MELK: variants seen among roughly 807,000 people sequenced by gnomAD.
MELK encodes the protein maternal embryonic leucine zipper kinase.
A neutral mutation model predicts 85.0 loss-of-function variants in MELK; 81 were observed. That is an observed-to-expected ratio of 0.95 (90% confidence interval 0.80 to 1.15). The LOEUF (loss-of-function observed/expected upper bound fraction) is 1.15. Ranked by LOEUF, MELK falls within the 50% of genes most tolerant of loss-of-function variation. The pLI, the probability that MELK is intolerant of heterozygous loss-of-function variation, is 0.00. For synonymous variants in MELK, 252 were observed against 265.0 expected (o/e 0.95, Z 0.48); for missense variants, 754 against 777.5 (o/e 0.97, Z 0.36).
chr9:36,637,094 A>G (rs1201353144), intron 10 of MELK, among the ~76,000 whole-genome samples: 1 of 151,126 alleles, frequency 6.6e-6, no homozygotes, highest in East Asian at 1.9e-4. Context: ...GGCCTCCCAA[A>G]GTGCTGGGAT....
At chr9:36,640,884 A>G (rs148159418) in intron 10 of MELK, among the ~76,000 whole-genome samples, 1 of 152,226 alleles carries the variant, frequency 6.6e-6, no homozygotes, top group Non-Finnish European at 1.5e-5. Context: ...AATTGAGGGG[A>G]AAAATTTGTC....
chr9:36,638,466 G>A (rs1201629162), intron 10 of MELK, among the ~76,000 whole-genome samples: 2 of 151,984 alleles, frequency 1.3e-5, no homozygotes, highest in Non-Finnish European at 2.9e-5. Context: ...TGTATTTTTA[G>A]TAGAGACGGG....
At position 36,596,273 on chromosome 9, in the gene MELK, A is replaced by T. The variant is rs374681903; in HGVS notation, c.406-949A>T. Among the ~76,000 whole-genome samples the T allele has an allele frequency of 3.3e-5, 5 of 152,072 alleles. No homozygotes were observed. The South Asian group carries it at 6.2e-4, about 19-fold the overall frequency. ...AAAATGGTTTATGCTAGTGAGTCTT[A>T]TGGGGAAGTGATAGAGTGATCGCCC... On this transcript the variant is annotated intron_variant, in intron 5 of 17. Coordinates refer to ENST00000298048, the MANE Select transcript of MELK (RefSeq NM_014791.4).
chr9:36,583,878 A>G (rs1046036357), intron 3 of MELK, among the ~76,000 whole-genome samples, 166 bp downstream of exon 3: 1 of 152,220 alleles, frequency 6.6e-6, no homozygotes, highest in Non-Finnish European at 1.5e-5. Context: ...GGAAGGGATT[A>G]CTTTGTTCTT....
chr9:36,672,367 A>C (rs1349766992), intron 16 of MELK, among the ~76,000 whole-genome samples: 1 of 152,228 alleles, frequency 6.6e-6, no homozygotes, highest in East Asian at 1.9e-4. Context: ...AAAAATGTTA[A>C]ATAAAATTAA....
intron 14 of MELK, among the ~76,000 whole-genome samples, chr9:36,669,039 T>A (rs1226391755): frequency 1.3e-5 from 2 of 152,242 alleles, no homozygotes; most frequent in Non-Finnish European, 2.9e-5. Context: ...ATTTATCATA[T>A]GATGTTTATA....
chr9:36,634,010 C>T (rs770127856), intron 10 of MELK, among the ~76,000 whole-genome samples: 6 of 152,204 alleles, frequency 3.9e-5, no homozygotes, highest in Non-Finnish European at 7.3e-5. Context: ...AAATTTTGTA[C>T]TGTATTCCAT....
At chr9:36,618,743 A>G (rs1432719042) in intron 8 of MELK, among the ~76,000 whole-genome samples, 1 of 152,166 alleles carries the variant, frequency 6.6e-6, no homozygotes, top group Non-Finnish European at 1.5e-5. Flanking sequence ...CTGTAAATCC[A>G]TGTAACTGTG....
chr9:36,602,621 A>T (rs1825052411), intron 7 of MELK, among the ~76,000 whole-genome samples: 1 of 137,796 alleles, frequency 7.3e-6, no homozygotes, highest in Admixed American at 7.6e-5. Flanking sequence ...GTGCAATGGC[A>T]TGATCTTGGC....
intron 8 of MELK, among the ~76,000 whole-genome samples, chr9:36,625,917 T>C (rs1318473231): frequency 6.6e-6 from 1 of 151,198 alleles, no homozygotes; most frequent in Non-Finnish European, 1.5e-5. Flanking sequence ...GAAAAAATTA[T>C]GAAGGGTTAC....
At chr9:36,668,536 GAA>G (rs1478915563) in intron 14 of MELK, among the ~76,000 whole-genome samples, 1 of 151,756 alleles carries the variant, frequency 6.6e-6, no homozygotes, top group African/African-American at 2.4e-5. Context: ...TTTCCGAGAT[GAA>G]GTCTTGCTCT....
chr9:36,668,189 A>G (rs1832562928), intron 14 of MELK, among the ~76,000 whole-genome samples: 1 of 152,234 alleles, frequency 6.6e-6, no homozygotes, highest in African/African-American at 2.4e-5. Context: ...GGTGATAGAT[A>G]CTGTCTGTAT....
At chr9:36,641,686 C>A (rs1370846549) in intron 10 of MELK, among the ~76,000 whole-genome samples, 4 of 150,920 alleles carry the variant, frequency 2.7e-5, no homozygotes, top group Non-Finnish European at 4.4e-5. Context: ...CAGCTCCCCA[C>A]AACCTCCGCC....
At position 36,657,345 on chromosome 9, in the gene MELK, T is replaced by C. The variant is rs751303273; in HGVS notation, c.1158T>C (p.Ala386=). The C allele has an allele frequency of 1.2e-6, 2 of 1,611,164 alleles. No individual in the cohort carries two copies. Among genetic ancestry groups the C allele is most frequent in the Non-Finnish European group, 1.7e-6 (2 of 1,179,254 alleles). Residue 386 remains alanine (A), a synonymous_variant, in exon 13 of 18, where the codon GCT becomes GCC. Transcript: ENST00000298048. The part of the protein sequence containing the change: ...WCEDDLSTGA[A]TPRTSQFTKY... ...AAGATGATTTATCAACAGGTGCTGC[T>C]ACTCCCCGAACATCACAGGTTCGTC...
chr9:36,627,133 G>A (rs560032299), intron 8 of MELK, among the ~76,000 whole-genome samples: 1 of 151,450 alleles, frequency 6.6e-6, no homozygotes, highest in Admixed American at 6.6e-5. Context: ...AGGCAGATAG[G>A]TGAGGAAGCC....
At chr9:36,580,155 A>G (rs2134915314) in intron 1 of MELK, among the ~76,000 whole-genome samples, 1 of 149,974 alleles carries the variant, frequency 6.7e-6, no homozygotes, top group East Asian at 2.0e-4. Flanking sequence ...CAGCCTCCCA[A>G]GTAGGTGGAA....
intron 8 of MELK, among the ~76,000 whole-genome samples, chr9:36,626,710 C>T (rs1017918993): frequency 1.3e-5 from 2 of 152,098 alleles, no homozygotes. Context: ...GTAATCCCAG[C>T]ACTTTGGGAG....
Position 36,665,349 on chromosome 9 carries a change from G to T in MELK, c.1177-1G>T. 4 of 1,576,586 alleles carry T rather than the reference G, an allele frequency of 2.5e-6. No individual in the cohort carries two copies. Among genetic ancestry groups the T allele is most frequent in the Admixed American group, 1.9e-5 (1 of 52,032 alleles). ...TTTATCTAGTAACTTTTTTTTTCCA[G>T]TTTACCAAGTACTGGACAGAATCAA... On this transcript the variant is annotated splice_acceptor_variant, in intron 13 of 17. Coordinates refer to ENST00000298048, the MANE Select transcript of MELK (RefSeq NM_014791.4). LOFTEE classifies it high-confidence loss of function.
intron 16 of MELK, among the ~76,000 whole-genome samples, chr9:36,673,919 A>G (rs908992040): frequency 6.6e-6 from 1 of 152,218 alleles, no homozygotes; most frequent in African/African-American, 2.4e-5. Flanking sequence ...ATTTAAAAAT[A>G]TTTATCCATG....
Sources: gnomAD v4.1 joint callset for allele counts (sites outside exome capture counted in the v4.1 genomes callset) on GRCh38, gnomAD v4.1.1 for gene constraint, MANE v1.5 for transcripts, NCBI Gene and HGNC (gene_info 2026-07-23, HGNC 2026-07-21) for gene names.